Variants in HOOK3 observed in about 807,000 individuals in gnomAD.
HOOK3 encodes the protein protein Hook homolog 3.
A neutral mutation model predicts 116.3 loss-of-function variants in HOOK3; 24 were observed. The observed-to-expected ratio is 0.21, with a 90% CI of 0.15 to 0.29. HOOK3 has a LOEUF of 0.29. Among genes scored for constraint, HOOK3 ranks in the 10% least tolerant of loss-of-function variants. HOOK3 has a pLI of 1.00. For missense variants in HOOK3, 632 were observed against 830.2 expected (o/e 0.76, Z 2.93); for synonymous variants, 275 against 283.0 (o/e 0.97, Z 0.28).
At chr8:42,976,193 G>C (rs1225901546) in intron 13 of HOOK3, among the ~76,000 whole-genome samples, 1 of 152,090 alleles carries the variant, frequency 6.6e-6, no homozygotes, top group Non-Finnish European at 1.5e-5. Context: ...CAGGTTAGGG[G>C]CTGTCAGTGT....
At chr8:43,008,423 C>T (rs1429681512) in intron 18 of HOOK3, among the ~76,000 whole-genome samples, 1 of 151,792 alleles carries the variant, frequency 6.6e-6, no homozygotes, top group African/African-American at 2.4e-5. Context: ...CTCAAGCCAT[C>T]CTTCTACCTA....
At chr8:42,955,424 A>G (rs1243958784) in intron 6 of HOOK3, among the ~76,000 whole-genome samples, 2 of 152,220 alleles carry the variant, frequency 1.3e-5, no homozygotes, top group Non-Finnish European at 2.9e-5. Flanking sequence ...TTGTAGCTGG[A>G]TTAATCTTGG....
intron 13 of HOOK3, among the ~76,000 whole-genome samples, chr8:42,981,883 CAAAAAA>C (rs11348838): frequency 9.2e-6 from 1 of 108,130 alleles, no homozygotes. Context: ...GACTCTGTCT[CAAAAAA>C]AAAAAAAAAA....
chr8:42,904,233 A>G (rs560016544), intron 1 of HOOK3, among the ~76,000 whole-genome samples: 26 of 150,540 alleles, frequency 1.7e-4, no homozygotes, highest in African/African-American at 6.3e-4. Flanking sequence ...CCGTGTTAGT[A>G]TATAAACCTA....
intron 2 of HOOK3, among the ~76,000 whole-genome samples, chr8:42,912,285 T>C (rs145130785): frequency 6.6e-6 from 1 of 152,370 alleles, no homozygotes; most frequent in East Asian, 1.9e-4. Flanking sequence ...TAAGTTTTTA[T>C]ATCTGTTTGG....
At chr8:42,940,371 A>G (rs1459609616) in intron 4 of HOOK3, among the ~76,000 whole-genome samples, 2 of 152,136 alleles carry the variant, frequency 1.3e-5, no homozygotes, top group African/African-American at 4.8e-5. Context: ...AATCGCAGGC[A>G]CTCGGCAGGC....
intron 3 of HOOK3, among the ~76,000 whole-genome samples, chr8:42,925,900 G>A (rs958026374): frequency 6.6e-6 from 1 of 152,176 alleles, no homozygotes; most frequent in African/African-American, 2.4e-5. Flanking sequence ...GAAGTGTTGT[G>A]ACCTTCCTTT....
chr8:43,002,024 G>T, intron 16 of HOOK3, 83 bp from the exon 17 acceptor site: 1 of 871,492 alleles, frequency 1.1e-6, no homozygotes, highest in South Asian at 1.5e-5. Context: ...CAAAATTAAT[G>T]ACTATTGTAC....
chr8:42,905,264 G>A (rs1807280162), intron 1 of HOOK3, among the ~76,000 whole-genome samples: 1 of 135,770 alleles, frequency 7.4e-6, no homozygotes. Flanking sequence ...TTTAAATTCA[G>A]TAGTTCAGTT....
At chr8:42,906,508 C>A (rs530437477) in intron 2 of HOOK3, among the ~76,000 whole-genome samples, 40 of 152,204 alleles carry the variant, frequency 2.6e-4, no homozygotes, top group African/African-American at 9.4e-4. Context: ...ATATGCTTGG[C>A]AGAAATTTTC....
intron 2 of HOOK3, among the ~76,000 whole-genome samples, chr8:42,913,212 C>T (rs1276834513): frequency 6.6e-6 from 1 of 152,014 alleles, no homozygotes; most frequent in Non-Finnish European, 1.5e-5. Flanking sequence ...GTGAAGCTAT[C>T]CCCACAATCA....
rs1379340137 is a variant in HOOK3 at position 42,943,295 on chromosome 8, C to G, written c.268-18C>G. 23 of 1,387,248 alleles carry G rather than the reference C, an allele frequency of 1.7e-5. No individual in the cohort carries two copies. The highest frequency in any genetic ancestry group is 2.1e-5 in the Non-Finnish European group (22 of 1,046,406). The allele number at this position is 1,387,248 out of a possible 1,614,324, so 85.9% of individuals were successfully genotyped here. On this transcript the variant is annotated intron_variant, in intron 4 of 21. Transcript: ENST00000307602. ...ATATAAATGTAAATGCAATTATAAT[C>G]CTTTTATCTCCATTCAGATTTTAGG...
At position 43,027,474 on chromosome 8, in the gene HOOK3, ACCC is replaced by A. The variant is rs749193280; in HGVS notation, c.*8979_*8981del. 3 of 469,664 alleles carry A rather than the reference ACCC, an allele frequency of 6.4e-6. No homozygotes were observed. Among genetic ancestry groups the A allele is most frequent in the South Asian group, 5.0e-5 (3 of 59,722 alleles). The allele number at this position is 469,664 out of a possible 1,614,324, so 29.1% of individuals were successfully genotyped here. A position where few individuals can be genotyped will look rare whatever the true frequency, so the allele number is the denominator to read the frequency against. Reference sequence around the variant, plus strand: ...GTACAAAACGTTTCTCTTCTACCTTACCCCCTGTTCTACTGACGTGCTTTGCAT... The same window carrying A: ...GTACAAAACGTTTCTCTTCTACCTTACCTGTTCTACTGACGTGCTTTGCAT... On this transcript the variant is annotated 3_prime_UTR_variant, in exon 22 of 22. Transcript: ENST00000307602.
At chr8:42,941,768 C>T (rs144276619) in intron 4 of HOOK3, among the ~76,000 whole-genome samples, 3 of 152,172 alleles carry the variant, frequency 2.0e-5, no homozygotes, top group Admixed American at 6.5e-5. Flanking sequence ...CCTTGTCTTC[C>T]ACTCCTTCCC....
intron 4 of HOOK3, among the ~76,000 whole-genome samples, chr8:42,935,187 C>T (rs189777633): frequency 3.9e-5 from 6 of 152,186 alleles, no homozygotes; most frequent in East Asian, 1.9e-4. Context: ...ATATAAATGT[C>T]TTCTTTCGAG....
intron 5 of HOOK3, among the ~76,000 whole-genome samples, chr8:42,946,771 T>C (rs1389010435): frequency 6.8e-6 from 1 of 146,018 alleles, no homozygotes; most frequent in Non-Finnish European, 1.5e-5. Flanking sequence ...TTCTTTTTTT[T>C]TTTTTTTTTT....
At chr8:42,963,698 G>A (rs564768046) in intron 8 of HOOK3, among the ~76,000 whole-genome samples, 60 of 152,314 alleles carry the variant, frequency 3.9e-4, no homozygotes, top group Non-Finnish European at 7.1e-4. Context: ...TAGTGGGAGT[G>A]TAGTTATATA....
intron 2 of HOOK3, among the ~76,000 whole-genome samples, chr8:42,913,320 G>A (rs1198839558): frequency 6.6e-6 from 1 of 151,850 alleles, no homozygotes; most frequent in African/African-American, 2.4e-5. Context: ...AGCAAACACT[G>A]CTCTGCTTTC....
At chr8:42,976,369 G>A (rs1269581434) in intron 13 of HOOK3, among the ~76,000 whole-genome samples, 4 of 152,226 alleles carry the variant, frequency 2.6e-5, no homozygotes, top group Non-Finnish European at 4.4e-5. Flanking sequence ...AATTAGCTGG[G>A]TATGGTGGTG....
Sources: gnomAD v4.1 joint callset for allele counts (sites outside exome capture counted in the v4.1 genomes callset) on GRCh38, gnomAD v4.1.1 for gene constraint, MANE v1.5 for transcripts, NCBI Gene and HGNC (gene_info 2026-07-23, HGNC 2026-07-21) for gene names.